Variants in EPHB2 observed in about 807,000 individuals in gnomAD.
EPHB2 encodes the protein ephrin type-B receptor 2.
EPHB2 carries 18 observed loss-of-function variants against 96.4 expected under a neutral mutation model. The ratio of observed to expected loss-of-function variants is 0.19; its 90% CI spans 0.13 to 0.28. EPHB2 has a LOEUF of 0.28. Among genes scored for constraint, EPHB2 ranks in the 10% least tolerant of loss-of-function variants. The probability of loss-of-function intolerance (pLI) is 1.00; values close to 1 mark genes in which losing one functional copy is unlikely to be tolerated. For missense variants in EPHB2, 989 were observed against 1,355.4 expected, an observed-to-expected ratio of 0.73 and a Z score of 4.25; for synonymous variants, 506 against 534.1, an observed-to-expected ratio of 0.95 and a Z score of 0.72.
intron 3 of EPHB2, among the ~76,000 whole-genome samples, chr1:22,792,313 C>T (rs984755204): frequency 2.0e-5 from 3 of 152,082 alleles, no homozygotes; most frequent in African/African-American, 7.2e-5. Context: ...AGGGGAGGCC[C>T]AGACCCCCAC....
intron 8 of EPHB2, among the ~76,000 whole-genome samples, chr1:22,895,928 C>T (rs1255372334): frequency 6.6e-6 from 1 of 152,176 alleles, no homozygotes. Context: ...GAGTTCAGGC[C>T]CCCTGGCTGA....
Position 22,865,034 on chromosome 1 carries a change from C to T in EPHB2, c.1125C>T (p.Cys375=), listed in dbSNP as rs568526834. 5.6e-6 allele frequency: 9 copies of T among 1,613,468 alleles called. No homozygotes were observed. Among genetic ancestry groups the T allele is most frequent in the Admixed American group, 5.0e-5 (3 of 60,014 alleles). ...CGSGRGACTR[C]GDNVQYAPRQ... is the part of the protein sequence containing the mutation. ...CGGGCCGGGGTGCCTGCACCCGCTG[C>T]GGGGACAATGTACAGTACGCACCAC... Residue 375 remains cysteine, a synonymous_variant, in exon 5 of 16, where the codon TGC becomes TGT. Coordinates refer to ENST00000374630, the MANE Select transcript of EPHB2 (RefSeq NM_017449.5).
chr1:22,770,908 G>T (rs1024256512), intron 1 of EPHB2, among the ~76,000 whole-genome samples: 1 of 151,746 alleles, frequency 6.6e-6, no homozygotes. Flanking sequence ...GGGTGGGTGG[G>T]TAAGTGGGGA....
intron 1 of EPHB2, among the ~76,000 whole-genome samples, chr1:22,750,137 CAAGT>C (rs1329810544): frequency 9.9e-5 from 15 of 152,266 alleles, no homozygotes; most frequent in African/African-American, 3.1e-4. Context: ...ACACAGCAAG[CAAGT>C]GTCAGATGTG....
chr1:22,726,665 G>T (rs1643588692), intron 1 of EPHB2, among the ~76,000 whole-genome samples: 1 of 152,066 alleles, frequency 6.6e-6, no homozygotes. Context: ...CAAGTGATCT[G>T]CCCGCCTCAG....
intron 2 of EPHB2, among the ~76,000 whole-genome samples, chr1:22,782,938 C>T (rs1457026500): frequency 6.6e-6 from 1 of 152,130 alleles, no homozygotes; most frequent in Non-Finnish European, 1.5e-5. Context: ...CAGACTTGGC[C>T]CAGGGAATCT....
Position 22,756,164 on chromosome 1 carries a change from C to T in EPHB2, c.62-25257C>T, listed in dbSNP as rs1475688086. On this transcript the variant is annotated intron_variant, in intron 1 of 15. Transcript: ENST00000374630. ...CTGGAAGGGGCGGCTGGGGCTAGCT[C>T]AGGAATTCCGTGGGAAGAAGCTTGC... Among the ~76,000 whole-genome samples the T allele has an allele frequency of 2.6e-5, 4 of 152,106 alleles. No individual in the cohort carries two copies. The East Asian group carries it at 7.8e-4, about 29-fold the overall frequency.
At chr1:22,729,592 C>T (rs1643657933) in intron 1 of EPHB2, among the ~76,000 whole-genome samples, 1 of 152,224 alleles carries the variant, frequency 6.6e-6, no homozygotes, top group Non-Finnish European at 1.5e-5. Context: ...CTTCCCACCA[C>T]AGGGCCTTTG....
At chr1:22,810,259 G>T (rs983878189) in intron 3 of EPHB2, among the ~76,000 whole-genome samples, 10 of 152,104 alleles carry the variant, frequency 6.6e-5, no homozygotes, top group African/African-American at 2.4e-4. Context: ...GGCAGGAAGG[G>T]CCTGCTCAAC....
At chr1:22,870,468 C>T (rs1638628115) in intron 5 of EPHB2, among the ~76,000 whole-genome samples, 1 of 152,192 alleles carries the variant, frequency 6.6e-6, no homozygotes, top group Non-Finnish European at 1.5e-5. Flanking sequence ...TGCCTCTCCA[C>T]ACCCACAGAC....
chr1:22,710,917 G>GCGCGCTCCCGCCCGGGCCGTCCGGGCCC lies in EPHB2; in HGVS notation c.-61_-34dup. The stretch of plus-strand genomic sequence containing the variant: ...CCCCCTGGCCCCCCGAGCCCGGGGC[G>GCGCGCTCCCGCCCGGGCCGTCCGGGCCC]CGCGCTCCCGCCCGGGCCGTCCGGG... On this transcript the variant is annotated 5_prime_UTR_variant, in exon 1 of 16. Coordinates refer to ENST00000374630, the MANE Select transcript of EPHB2 (RefSeq NM_017449.5). The GCGCGCTCCCGCCCGGGCCGTCCGGGCCC allele has an allele frequency of 6.8e-6, 1 of 146,452 alleles. No homozygotes were observed. The highest frequency in any genetic ancestry group is 1.5e-5 in the Non-Finnish European group (1 of 65,742). The allele number at this position is 146,452 out of a possible 1,614,324, so 9.1% of individuals were successfully genotyped here. A position where few individuals can be genotyped will look rare whatever the true frequency, so the allele number is the denominator to read the frequency against.
At chr1:22,760,727 G>A (rs1220791865) in intron 1 of EPHB2, among the ~76,000 whole-genome samples, 1 of 152,150 alleles carries the variant, frequency 6.6e-6, no homozygotes, top group Non-Finnish European at 1.5e-5. Flanking sequence ...CTCTGCTGCT[G>A]TAACCCATTT....
rs1403811316 is a variant in EPHB2 at position 22,893,165 on chromosome 1, G to T, written c.1591+119G>T. The T allele has an allele frequency of 2.7e-6, 4 of 1,489,146 alleles. No homozygotes were observed. The Admixed American group carries it at 6.9e-5, about 26-fold the overall frequency. The allele number at this position is 1,489,146 out of a possible 1,614,324, so 92.2% of individuals were successfully genotyped here. On this transcript the variant is annotated intron_variant, in intron 7 of 15. Coordinates refer to ENST00000374630, the MANE Select transcript of EPHB2 (RefSeq NM_017449.5). Reference sequence around the variant, plus strand: ...TTAGAAAAGGCACTCCCTTCTAGATGTCAGCCCTCCCTCCCTCCTAATTTC... The same window carrying T: ...TTAGAAAAGGCACTCCCTTCTAGATTTCAGCCCTCCCTCCCTCCTAATTTC...
At chr1:22,879,847 C>T (rs1356539514) in intron 5 of EPHB2, among the ~76,000 whole-genome samples, 1 of 152,230 alleles carries the variant, frequency 6.6e-6, no homozygotes, top group African/African-American at 2.4e-5. Flanking sequence ...CCTGGCAGGG[C>T]AAGGAGCCGA....
intron 9 of EPHB2, 56 bp from the exon 10 acceptor site, chr1:22,905,931 C>T (rs1639897522): frequency 1.2e-6 from 2 of 1,613,578 alleles, no homozygotes; most frequent in Non-Finnish European, 1.7e-6. Context: ...CCCGCTTTTC[C>T]TTTTTGTGTG....
intron 4 of EPHB2, among the ~76,000 whole-genome samples, chr1:22,864,276 C>T (rs1570406486): frequency 6.6e-6 from 1 of 152,134 alleles, no homozygotes; most frequent in Non-Finnish European, 1.5e-5. Flanking sequence ...GAACTCCTGA[C>T]CTCAGGTGAT....
chr1:22,891,615 A>C (rs1639390596), intron 6 of EPHB2, among the ~76,000 whole-genome samples: 1 of 152,158 alleles, frequency 6.6e-6, no homozygotes, highest in African/African-American at 2.4e-5. Flanking sequence ...CTCCACTCCC[A>C]CTGCAGCAGC....
chr1:22,860,931 G>A lies in EPHB2; in HGVS notation c.812-2106G>A, dbSNP rs1418639621. ...GTCGGTGCCCAAGAGGAAGGCGAGA[G>A]GGAGGGCAGGACGACTCAGGGGACC... is the stretch of plus-strand genomic sequence containing the variant. On this transcript the variant is annotated intron_variant, in intron 3 of 15. Transcript: ENST00000374630. The surrounding 1 kb of genome is among the most constrained non-coding windows in gnomAD (Gnocchi z 4.6). 1.3e-5 allele frequency among the ~76,000 whole-genome samples: 2 copies of A among 152,160 alleles called. No individual in the cohort carries two copies. The highest frequency in any genetic ancestry group is 2.9e-5 in the Non-Finnish European group (2 of 68,028).
chr1:22,780,012 A>G (rs139500306), intron 1 of EPHB2, among the ~76,000 whole-genome samples: 121 of 152,264 alleles, frequency 7.9e-4, no homozygotes, highest in Non-Finnish European at 1.3e-3. Context: ...CCACTACCAG[A>G]CCAGGAACTG....
Sources: allele counts gnomAD v4.1 joint callset (sites outside exome capture counted in the v4.1 genomes callset), GRCh38; gene constraint gnomAD v4.1.1; non-coding constraint Gnocchi (gnomAD v3.1); transcripts MANE v1.5; gene names NCBI Gene and HGNC (gene_info 2026-07-23, HGNC 2026-07-21).